Variants in UNC13D observed in about 807,000 individuals in gnomAD.
UNC13D encodes the protein unc-13 homolog D.
UNC13D carries 115 observed loss-of-function variants against 151.7 expected under a neutral mutation model. The observed-to-expected ratio is 0.76, with a 90% CI of 0.65 to 0.88. UNC13D has a LOEUF of 0.88. Among genes scored for constraint, UNC13D ranks in the 40% least tolerant of loss-of-function variants. UNC13D has a pLI of 0.00. For missense variants in UNC13D, 1,369 were observed against 1,438.7 expected (o/e 0.95, Z 0.78); for synonymous variants, 588 against 612.2 (o/e 0.96, Z 0.58).
rs781777094 is a variant in UNC13D, at chr17:75,836,850, A to T, written c.1124T>A (p.Ile375Asn). 1 of 1,613,886 alleles carries T rather than the reference A, an allele frequency of 6.2e-7. No individual in the cohort carries two copies. Among genetic ancestry groups the T allele is most frequent in the South Asian group, 1.1e-5 (1 of 91,064 alleles). The change falls in exon 13 of 32, where the codon ATC (isoleucine) becomes AAC (asparagine). Residue 375 changes from isoleucine (I) to asparagine (N), a missense_variant. Physicochemically the swap from Ile to Asn is moderately radical, Grantham distance 149 (BLOSUM62 -3). Transcript: ENST00000207549. ...EFPSSCLLHPITSIEYQWIQG... is the reference protein window; with the variant it reads ...EFPSSCLLHPNTSIEYQWIQG... ...GATCCACTGGTACTCGATGCTGGTG[A>T]TGGGGTGCAGGAGGCAGCTGCTGGG...
At chr17:75,830,881 A>G (rs565810270) in intron 27 of UNC13D, among the ~76,000 whole-genome samples, 2 of 151,456 alleles carry the variant, frequency 1.3e-5, no homozygotes, top group East Asian at 3.9e-4. Context: ...CCCACCCCCC[A>G]TGCGGGCACA....
At position 75,828,975 on chromosome 17, in the gene UNC13D, G is replaced by T; in HGVS notation, c.2963C>A (p.Pro988His). The T allele has an allele frequency of 6.2e-7, 1 of 1,603,498 alleles. No homozygotes were observed. Among genetic ancestry groups the T allele is most frequent in the South Asian group, 1.1e-5 (1 of 90,958 alleles). Residue 988 changes from proline (P) to histidine (H), a missense_variant, in exon 31 of 32, where the codon CCT (proline) becomes CAT (histidine). Physicochemically the swap from Pro to His is moderately conservative, Grantham distance 77. Coordinates refer to ENST00000207549, the MANE Select transcript of UNC13D (RefSeq NM_199242.3). ...LFDETFEFLV[P>H]AEPCRKAGAC... ...CCCAGCCTTGCGGCACGGCTCAGCA[G>T]GCACCAGGCTGCGGGGAGAGTCAGG...
intron 12 of UNC13D, among the ~76,000 whole-genome samples, chr17:75,837,754 C>CAAAAAAA (rs56040848): frequency 8.0e-5 from 10 of 125,218 alleles, no homozygotes; most frequent in Admixed American, 1.6e-4. Flanking sequence ...AACTCCAGCT[C>CAAAAAAA]AAAAAAAAAA....
intron 26 of UNC13D, 30 bp downstream of exon 26, chr17:75,831,213 G>T: frequency 1.2e-6 from 2 of 1,614,100 alleles, no homozygotes; most frequent in Non-Finnish European, 1.7e-6. Context: ...CTCCCACCAG[G>T]GTTATCATTG....
At chr17:75,834,563 T>C in intron 22 of UNC13D, 32 bp from the exon 23 acceptor site, 1 of 1,609,858 alleles carries the variant, frequency 6.2e-7, no homozygotes, top group Non-Finnish European at 8.5e-7. Context: ...TCCTGAACTG[T>C]GCCCAGGCTG....
chr17:75,834,959 G>A lies in UNC13D; in HGVS notation c.1953C>T (p.Asp651=), dbSNP rs1479847577. 30 of 1,614,104 alleles carry A rather than the reference G, an allele frequency of 1.9e-5. No individual in the cohort carries two copies. The highest frequency in any genetic ancestry group is 2.5e-5 in the Non-Finnish European group (30 of 1,180,028). The part of the protein sequence containing the change: ...SHTARQLDWP[D]PEEAFMITVK... ...CGGTAATCATGAAGGCCTCCTCTGG[G>A]TCTGGCCAGTCCAGCTGCCGGGCAG... is the stretch of plus-strand genomic sequence containing the variant. Residue 651 remains aspartate (D), a synonymous_variant, in exon 21 of 32, where the codon GAC becomes GAT. Transcript: ENST00000207549.
chr17:75,834,359 T>G lies in UNC13D; in HGVS notation c.2264A>C (p.Glu755Ala). Residue 755 changes from glutamate to alanine, a missense_variant, in exon 23 of 32, where the codon GAG (glutamate) becomes GCG (alanine). Transcript: ENST00000207549. ...LQSALAGLGH[E>A]IRTGVRTLAE... ...CAGGGTGCGGACGCCAGTGCGGATC[T>G]CATGGCCCAGCCCGGCCAGCGCGCT... 6.3e-7 allele frequency: 1 copy of G among 1,594,932 alleles called. No homozygotes were observed. The highest frequency in any genetic ancestry group is 8.5e-7 in the Non-Finnish European group (1 of 1,178,918).
chr17:75,832,869 T>A lies in UNC13D; in HGVS notation c.2447+97A>T, dbSNP rs776309818. Reference sequence around the variant, plus strand: ...CGAGCGCGCCCAGGGCAGGGGCTGCTACACCCCTCAGAACGGATGCTGGGG... The same window carrying A: ...CGAGCGCGCCCAGGGCAGGGGCTGCAACACCCCTCAGAACGGATGCTGGGG... On this transcript the variant is annotated intron_variant, in intron 25 of 31. Transcript: ENST00000207549. The surrounding 1 kb of genome is among the most constrained non-coding windows in gnomAD (Gnocchi z 4.3). 7 of 1,278,856 alleles carry A rather than the reference T, an allele frequency of 5.5e-6. No individual in the cohort carries two copies. The highest frequency in any genetic ancestry group is 7.7e-6 in the Non-Finnish European group (7 of 905,802). 79.2% of individuals were successfully genotyped at this position (1,278,856 alleles called of 1,614,324 possible). A position where few individuals can be genotyped will look rare whatever the true frequency, so the allele number is the denominator to read the frequency against.
chr17:75,839,760 T>C (rs1599411859), intron 12 of UNC13D, 79 bp downstream of exon 12: 1 of 1,452,378 alleles, frequency 6.9e-7, no homozygotes, highest in Non-Finnish European at 9.7e-7. Context: ...GAATTACACT[T>C]TGGGCTACCG....
chr17:75,837,957 A>T (rs1567820044), intron 12 of UNC13D, among the ~76,000 whole-genome samples: 2 of 152,096 alleles, frequency 1.3e-5, no homozygotes, highest in Non-Finnish European at 2.9e-5. Flanking sequence ...AGCCACCTGC[A>T]TTACTGTGCT....
chr17:75,831,495 C>A (rs2064872617), intron 25 of UNC13D, 147 bp from the exon 26 acceptor site: 9 of 708,408 alleles, frequency 1.3e-5, no homozygotes, highest in Middle Eastern at 4.0e-4. Flanking sequence ...CGCCTCCCAC[C>A]CCAGGTGAGG....
Position 75,844,220 on chromosome 17 carries a change from C to T in UNC13D, c.117+1G>A, listed in dbSNP as rs2064970131. 2 of 1,611,480 alleles carry T rather than the reference C, an allele frequency of 1.2e-6. No homozygotes were observed. The highest frequency in any genetic ancestry group is 1.7e-5 in the Admixed American group (1 of 60,022). On this transcript the variant is annotated splice_donor_variant, in intron 1 of 31. Transcript: ENST00000207549. LOFTEE classifies it high-confidence loss of function. ...TCTCTCCCCAGTGAGGTCACTCCTACCTCCGGGGCCATTTGGGGCGGGGGA... is the reference window on the plus strand; with the variant it reads ...TCTCTCCCCAGTGAGGTCACTCCTATCTCCGGGGCCATTTGGGGCGGGGGA...
chr17:75,836,992 G>T (rs544691336), intron 12 of UNC13D, 74 bp from the exon 13 acceptor site: 16 of 1,458,896 alleles, frequency 1.1e-5, no homozygotes, highest in African/African-American at 2.8e-5. Flanking sequence ...GGCCTCAGGT[G>T]GGGGGAATCG....
Position 75,836,218 on chromosome 17 carries a change from G to A in UNC13D, c.1428C>T (p.His476=). The change falls in exon 16 of 32, where the codon CAC becomes CAT. Residue 476 remains histidine (H), a synonymous_variant. Transcript: ENST00000207549. The part of the protein sequence containing the change: ...TTEWFHLKQQ[H]HQPMVQGIPE... Reference sequence around the variant, plus strand: ...CCCTCACCTGCACCATGGGTTGATGGTGCTGCTGCTTCAGGTGGAACCATT... The same window carrying A: ...CCCTCACCTGCACCATGGGTTGATGATGCTGCTGCTTCAGGTGGAACCATT... 1 of 1,612,086 alleles carries A rather than the reference G, an allele frequency of 6.2e-7. No homozygotes were observed. The highest frequency in any genetic ancestry group is 1.1e-5 in the South Asian group (1 of 90,902).
chr17:75,843,717 G>A, intron 1 of UNC13D, 198 bp from the exon 2 acceptor site: 1 of 1,443,914 alleles, frequency 6.9e-7, no homozygotes, highest in East Asian at 2.5e-5. Context: ...CGTGGCTGAG[G>A]TCCATGGGTG....
chr17:75,832,523 T>C lies in UNC13D; in HGVS notation c.2447+443A>G, dbSNP rs961920647. 8 of 158,548 alleles carry C rather than the reference T, an allele frequency of 5.0e-5. No individual in the cohort carries two copies. The highest frequency in any genetic ancestry group is 3.6e-4 in the Admixed American group (6 of 16,552). The allele number at this position is 158,548 out of a possible 1,614,324, so 9.8% of individuals were successfully genotyped here. A position where few individuals can be genotyped will look rare whatever the true frequency, so the allele number is the denominator to read the frequency against. On this transcript the variant is annotated intron_variant, in intron 25 of 31. Coordinates refer to ENST00000207549, the MANE Select transcript of UNC13D (RefSeq NM_199242.3). The surrounding 1 kb of genome is among the most constrained non-coding windows in gnomAD (Gnocchi z 4.3). ...GCTATAAGACACCCTAGCTAGAAGTTCTCCCTGCACCGTGGGCAGGGACCA... is the reference window on the plus strand; with the variant it reads ...GCTATAAGACACCCTAGCTAGAAGTCCTCCCTGCACCGTGGGCAGGGACCA...
chr17:75,827,271 A>C lies in UNC13D; in HGVS notation c.*694T>G. ...GTTTTTATTAATTTTTTTGCTAAGA[A>C]AGTTTCTAGGTGGCAGGTGCTGTCC... On this transcript the variant is annotated 3_prime_UTR_variant, in exon 32 of 32. Coordinates refer to ENST00000207549, the MANE Select transcript of UNC13D (RefSeq NM_199242.3). 1 of 457,844 alleles carries C rather than the reference A, an allele frequency of 2.2e-6. No individual in the cohort carries two copies. Among genetic ancestry groups the C allele is most frequent in the Non-Finnish European group, 3.6e-6 (1 of 273,984 alleles). 28.4% of individuals were successfully genotyped at this position (457,844 alleles called of 1,614,324 possible). A position where few individuals can be genotyped will look rare whatever the true frequency, so the allele number is the denominator to read the frequency against.
Position 75,836,185 on chromosome 17 carries a change from T to TGCCCAGCCCCTC in UNC13D, c.1446+3_1446+14dup. 1 of 1,609,872 alleles carries TGCCCAGCCCCTC rather than the reference T, an allele frequency of 6.2e-7. No individual in the cohort carries two copies. The highest frequency in any genetic ancestry group is 1.1e-5 in the South Asian group (1 of 90,848). ...CCCCGTGACCCCCTGCCCTCCCCCT[T>TGCCCAGCCCCTC]GCCCAGCCCCTCACCTGCACCATGG... On this transcript the variant is annotated intron_variant, in intron 16 of 31. Coordinates refer to ENST00000207549, the MANE Select transcript of UNC13D (RefSeq NM_199242.3).
At chr17:75,828,413 TAA>T (rs1382417757) in intron 31 of UNC13D, among the ~76,000 whole-genome samples, 4 of 152,218 alleles carry the variant, frequency 2.6e-5, no homozygotes, top group African/African-American at 9.6e-5. Flanking sequence ...TACTCATCTG[TAA>T]AAGAGTGCTA....
Sources: gnomAD v4.1 joint callset for allele counts (sites outside exome capture counted in the v4.1 genomes callset) on GRCh38, gnomAD v4.1.1 for gene constraint, Gnocchi (gnomAD v3.1) non-coding constraint, MANE v1.5 for transcripts, NCBI Gene and HGNC (gene_info 2026-07-23, HGNC 2026-07-21) for gene names.